Variants in SYNE1 observed in about 807,000 individuals in gnomAD.
SYNE1 encodes the protein nesprin-1.
SYNE1 carries 616 observed loss-of-function variants against 1,111.0 expected under a neutral mutation model. That is an observed-to-expected ratio of 0.55 (90% confidence interval 0.52 to 0.59). SYNE1 has a LOEUF of 0.59. Ranked by LOEUF, SYNE1 falls within the 20% of genes least tolerant of loss-of-function variation. SYNE1 has a pLI of 0.00. For synonymous variants in SYNE1, 3,855 were observed against 3,825.8 expected (o/e 1.01, Z -0.28); for missense variants, 10,006 against 10,417.0 (o/e 0.96, Z 1.72).
At chr6:152,635,022 C>T (rs562384440) in intron 2 of SYNE1, among the ~76,000 whole-genome samples, 22 of 152,230 alleles carry the variant, frequency 1.4e-4, no homozygotes, top group African/African-American at 5.3e-4. Context: ...CTTCCTACAT[C>T]CTGTGACAGT....
At chr6:152,489,438 C>T (rs2098958222) in intron 11 of SYNE1, among the ~76,000 whole-genome samples, 1 of 146,266 alleles carries the variant, frequency 6.8e-6, no homozygotes, top group Non-Finnish European at 1.5e-5. Context: ...CATGCATTAG[C>T]TCTGTGAGCT....
chr6:152,368,846 T>A (rs2097129515), intron 61 of SYNE1, 126 bp downstream of exon 61: 2 of 1,162,398 alleles, frequency 1.7e-6, no homozygotes, highest in African/African-American at 3.0e-5. Flanking sequence ...ACACGCCCCT[T>A]ACTGCTGACC....
intron 45 of SYNE1, among the ~76,000 whole-genome samples, chr6:152,406,261 A>G (rs1459649753): frequency 1.3e-5 from 2 of 151,994 alleles, no homozygotes; most frequent in African/African-American, 2.4e-5. Flanking sequence ...AAGTGGAAGA[A>G]CCCCACTACC....
chr6:152,375,920 A>G (rs2097272349), intron 58 of SYNE1: 1 of 156,838 alleles, frequency 6.4e-6, no homozygotes, highest in Non-Finnish European at 1.4e-5. Flanking sequence ...TTGAAATTTG[A>G]ATTTCTTACG....
Position 152,330,251 on chromosome 6 carries a change from C to T in SYNE1, c.14434G>A (p.Glu4812Lys). The T allele has an allele frequency of 6.2e-7, 1 of 1,614,212 alleles. No homozygotes were observed. Among genetic ancestry groups the T allele is most frequent in the Non-Finnish European group, 8.5e-7 (1 of 1,180,046 alleles). The change falls in exon 78 of 146, where the codon GAG becomes AAG. Residue 4812 changes from glutamate to lysine, a missense_variant. By Grantham distance (56) the Glu-to-Lys change is moderately conservative. Coordinates refer to ENST00000367255, the MANE Select transcript of SYNE1 (RefSeq NM_182961.4). ...SKVNEETLPA[E>K]EKLKMYHSLA... is the part of the protein sequence containing the mutation. Reference sequence around the variant, plus strand: ...GAGTGATACATTTTGAGCTTCTCCTCTGCAGGCAGCGTTTCCTCATTCACT... The same window carrying T: ...GAGTGATACATTTTGAGCTTCTCCTTTGCAGGCAGCGTTTCCTCATTCACT...
chr6:152,249,259 C>A lies in SYNE1; in HGVS notation c.19474G>T (p.Asp6492Tyr). The change falls in exon 105 of 146, where the codon GAT (aspartate) becomes TAT (tyrosine). Residue 6492 changes from aspartate (D) to tyrosine (Y), a missense_variant. Around this residue, in one of 7 missense-constraint regions of SYNE1, gnomAD observed 2,182 missense variants for 2,287.8 expected, o/e 0.95. Transcript: ENST00000367255. ...RLQQILNFQN[D>Y]LKVLFTSLAD... ...AGTGATGTAAACAGCACTTTCAGAT[C>A]ATTCTAAGGAGGAAAGCAACGGGAA... 6.2e-7 allele frequency: 1 copy of A among 1,603,338 alleles called. No individual in the cohort carries two copies. Among genetic ancestry groups the A allele is most frequent in the South Asian group, 1.1e-5 (1 of 90,848 alleles).
intron 9 of SYNE1, among the ~76,000 whole-genome samples, chr6:152,504,976 C>A (rs1442519874): frequency 1.3e-5 from 2 of 152,184 alleles, no homozygotes; most frequent in Non-Finnish European, 2.9e-5. Flanking sequence ...GACTGACATA[C>A]CAATGCCAAA....
rs369246136 is a variant in SYNE1 at position 152,208,070 on chromosome 6, G to C, written c.22726C>G (p.Arg7576Gly). ...QRYREMAEKL[R>G]KWLVEVSYLP... is the part of the protein sequence containing the mutation. ...TAGGACACTTCAACCAACCATTTAC[G>C]AAGCTTTTCTGCCATCTCCCTATAG... The change falls in exon 125 of 146, where the codon CGT becomes GGT. Residue 7576 changes from arginine (R) to glycine (G), a missense_variant. Transcript: ENST00000367255. 2 of 1,614,038 alleles carry C rather than the reference G, an allele frequency of 1.2e-6. No homozygotes were observed. The highest frequency in any genetic ancestry group is 1.7e-6 in the Non-Finnish European group (2 of 1,180,008).
At chr6:152,155,249 A>G (rs901238042) in intron 132 of SYNE1, 2 of 564,428 alleles carry the variant, frequency 3.5e-6, no homozygotes, top group African/African-American at 3.8e-5. Flanking sequence ...TTTTTTTAAA[A>G]ACACGTCCTG....
At chr6:152,359,269 A>G in intron 65 of SYNE1, 46 bp downstream of exon 65, 1 of 1,612,082 alleles carries the variant, frequency 6.2e-7, no homozygotes, top group Non-Finnish European at 8.5e-7. Context: ...CACAGCTCCA[A>G]ACACTCCCCT....
At chr6:152,176,014 A>ATT (rs3215782) in intron 130 of SYNE1, among the ~76,000 whole-genome samples, 1,787 of 142,620 alleles carry the variant, frequency 0.013, 16 homozygotes, top group Non-Finnish European at 0.016. Flanking sequence ...AGATTTAGTA[A>ATT]TTTTTTTTTT....
At chr6:152,138,455 G>T (rs1167337606) in intron 140 of SYNE1, among the ~76,000 whole-genome samples, 2 of 151,690 alleles carry the variant, frequency 1.3e-5, no homozygotes, top group African/African-American at 4.9e-5. Context: ...AGGTTACAGT[G>T]AGCCAAGATC....
intron 4 of SYNE1, among the ~76,000 whole-genome samples, chr6:152,536,376 TAA>T (rs67990745): frequency 9.4e-4 from 82 of 87,266 alleles, no homozygotes; most frequent in Non-Finnish European, 1.9e-3. Context: ...ATATATATAG[TAA>T]TATATATATA....
In SYNE1 at chr6:152,310,568, G is replaced by C. The variant is rs1357098012; in HGVS notation, c.16897-50C>G. On this transcript the variant is annotated intron_variant, in intron 88 of 145. Coordinates refer to ENST00000367255, the MANE Select transcript of SYNE1 (RefSeq NM_182961.4). ...GTACTTGAAGTTCAAAGCCATAGGG[G>C]AAGAATAACATCACAGTCAAGAAAC... 6 of 1,612,812 alleles carry C rather than the reference G, an allele frequency of 3.7e-6. No individual in the cohort carries two copies. In the African/African-American group the frequency reaches 8.0e-5, roughly 22 times the overall value.
chr6:152,161,254 C>T (rs980942489), intron 131 of SYNE1, among the ~76,000 whole-genome samples: 1 of 147,442 alleles, frequency 6.8e-6, no homozygotes, highest in African/African-American at 2.5e-5. Context: ...TCATAATAAA[C>T]ATATATTATT....
intron 40 of SYNE1, 87 bp downstream of exon 40, chr6:152,419,482 T>C: frequency 7.3e-7 from 1 of 1,363,704 alleles, no homozygotes; most frequent in Non-Finnish European, 1.0e-6. Flanking sequence ...ATTTAAACTT[T>C]TTTAAAATGT....
At chr6:152,494,243 C>A (rs1053846053) in intron 11 of SYNE1, among the ~76,000 whole-genome samples, 13 of 152,204 alleles carry the variant, frequency 8.5e-5, no homozygotes, top group African/African-American at 3.1e-4. Flanking sequence ...GATGCGTATA[C>A]TTTCTGCTCC....
chr6:152,279,800 A>C (rs1477389257), intron 97 of SYNE1, among the ~76,000 whole-genome samples: 2 of 152,080 alleles, frequency 1.3e-5, no homozygotes, highest in Admixed American at 6.6e-5. Context: ...TTAAAATAGG[A>C]ATTAAAAGAT....
chr6:152,438,533 G>A (rs1227761337), intron 32 of SYNE1, among the ~76,000 whole-genome samples: 4 of 152,192 alleles, frequency 2.6e-5, no homozygotes, highest in Non-Finnish European at 5.9e-5. Flanking sequence ...GCAGCAGGAT[G>A]CATCAGGTAA....
Sources: gnomAD v4.1 joint callset for allele counts (sites outside exome capture counted in the v4.1 genomes callset) on GRCh38, gnomAD v4.1.1 for gene constraint, gnomAD v4.1.1 regional missense constraint, MANE v1.5 for transcripts, NCBI Gene and HGNC (gene_info 2026-07-23, HGNC 2026-07-21) for gene names.